KIAA1217: variants seen among roughly 807,000 people sequenced by gnomAD.
KIAA1217 encodes the protein KIAA1217, also known as sickle tail protein homolog.
A neutral mutation model predicts 163.9 loss-of-function variants in KIAA1217; 88 were observed. The ratio of observed to expected loss-of-function variants is 0.54; its 90% CI spans 0.45 to 0.64. The LOEUF is 0.64. Among genes scored for constraint, KIAA1217 ranks in the 30% least tolerant of loss-of-function variants. KIAA1217 has a pLI of 0.00. For synonymous variants in KIAA1217, 903 were observed against 923.1 expected, an observed-to-expected ratio of 0.98 and a Z score of 0.39; for missense variants, 2,372 against 2,475.0, an observed-to-expected ratio of 0.96 and a Z score of 0.88.
In KIAA1217 at chr10:24,101,220, T is replaced by C. The variant is rs77761097; in HGVS notation, c.-171+93846T>C. On this transcript the variant is annotated intron_variant, in intron 2 of 18. Coordinates refer to the KIAA1217 transcript ENST00000376462. ...AGCACTCCTGTGTTAACAGCATACATTATTGCAGAAACCCAGCTGATGGGA... is the reference window on the plus strand; with the variant it reads ...AGCACTCCTGTGTTAACAGCATACACTATTGCAGAAACCCAGCTGATGGGA... Among the ~76,000 whole-genome samples, 123 of 152,312 alleles carry C rather than the reference T, an allele frequency of 8.1e-4. 3 individuals are homozygous for C. In the East Asian group the frequency reaches 0.022, roughly 27 times the overall value.
chr10:24,422,839 G>A (rs1356071252), intron 3 of KIAA1217, among the ~76,000 whole-genome samples: 2 of 142,640 alleles, frequency 1.4e-5, no homozygotes, highest in East Asian at 4.2e-4. Context: ...CCCAGTGACT[G>A]CCCTCTGTCA....
intron 5 of KIAA1217, among the ~76,000 whole-genome samples, chr10:24,457,878 T>C (rs1181801094): frequency 1.3e-5 from 2 of 152,206 alleles, no homozygotes; most frequent in Non-Finnish European, 2.9e-5. Flanking sequence ...GCATGACTTA[T>C]TGACTTGCTT....
At chr10:23,742,264 A>G (rs557292056) in intron 1 of KIAA1217, among the ~76,000 whole-genome samples, 2 of 152,304 alleles carry the variant, frequency 1.3e-5, no homozygotes, top group African/African-American at 2.4e-5. Flanking sequence ...TGTGAGGGGT[A>G]GATGTCTGGA....
intron 1 of KIAA1217, among the ~76,000 whole-genome samples, chr10:23,755,353 T>G (rs1833867274): frequency 6.6e-6 from 1 of 152,212 alleles, no homozygotes; most frequent in African/African-American, 2.4e-5. Context: ...TCCAGGGAAT[T>G]AAGAGATCTG....
At chr10:24,147,832 C>CAAAAAAAAAA (rs1176106711) in intron 2 of KIAA1217, among the ~76,000 whole-genome samples, 134 of 20,608 alleles carry the variant, frequency 6.5e-3, no homozygotes, top group Admixed American at 9.9e-3. Flanking sequence ...TACTCTGTCT[C>CAAAAAAAAAA]AAAAAAAAAA....
At chr10:24,236,907 C>T (rs1432369528) in intron 2 of KIAA1217, among the ~76,000 whole-genome samples, 1 of 152,172 alleles carries the variant, frequency 6.6e-6, no homozygotes, top group Non-Finnish European at 1.5e-5. Flanking sequence ...CTACCTCAGC[C>T]TCCCAAAGTG....
At chr10:24,341,089 T>C (rs907240491) in intron 2 of KIAA1217, among the ~76,000 whole-genome samples, 3 of 152,082 alleles carry the variant, frequency 2.0e-5, no homozygotes, top group African/African-American at 7.3e-5. Flanking sequence ...CCATATGGAT[T>C]AGATCTGCTT....
intron 18 of KIAA1217, 31 bp downstream of exon 18, chr10:24,542,801 T>C (rs762578349): frequency 1.2e-6 from 2 of 1,612,224 alleles, no homozygotes; most frequent in Non-Finnish European, 1.7e-6. Flanking sequence ...TTCCGACCAA[T>C]ACCATGCACA....
intron 3 of KIAA1217, among the ~76,000 whole-genome samples, chr10:24,404,846 G>A (rs2057023483): frequency 6.6e-6 from 1 of 152,126 alleles, no homozygotes; most frequent in African/African-American, 2.4e-5. Context: ...TTGGATTTAT[G>A]CTCAGTGAGG....
intron 3 of KIAA1217, among the ~76,000 whole-genome samples, chr10:24,392,076 A>T (rs1256344178): frequency 6.6e-6 from 1 of 152,252 alleles, no homozygotes; most frequent in African/African-American, 2.4e-5. Context: ...CCATTAAAAT[A>T]AGAATTAATA....
At chr10:23,965,701 C>T (rs570978320) in intron 1 of KIAA1217, among the ~76,000 whole-genome samples, 1 of 152,208 alleles carries the variant, frequency 6.6e-6, no homozygotes, top group East Asian at 1.9e-4. Context: ...TAAAATAACC[C>T]ACAGCAACAC....
At chr10:24,044,965 G>A (rs982881972) in intron 2 of KIAA1217, among the ~76,000 whole-genome samples, 2 of 151,982 alleles carry the variant, frequency 1.3e-5, no homozygotes, top group Admixed American at 1.3e-4. Context: ...TCCTGAACAG[G>A]TATCTCTTAC....
rs148421206 is a variant in KIAA1217, at chr10:23,805,157, T to C, written c.-321+109923T>C. On this transcript the variant is annotated intron_variant, in intron 1 of 18. Coordinates refer to the KIAA1217 transcript ENST00000376462. ...AATACCATTCGACCTAGCAATCTCA[T>C]TAATGGGTATATATCCAAAGGAATA... Among the ~76,000 whole-genome samples, 114 of 152,274 alleles carry C rather than the reference T, an allele frequency of 7.5e-4. 1 individual carries two copies. The highest frequency in any genetic ancestry group is 3.4e-3 in the Middle Eastern group (1 of 294).
upstream of KIAA1217, among the ~76,000 whole-genome samples, chr10:24,208,285 T>C (rs2067678085): frequency 6.6e-6 from 1 of 152,116 alleles, no homozygotes; most frequent in African/African-American, 2.4e-5. Flanking sequence ...GCATTTTCAC[T>C]GTCTTTCAGA....
intron 1 of KIAA1217, among the ~76,000 whole-genome samples, chr10:23,984,388 C>T (rs1845886807): frequency 6.6e-6 from 1 of 152,160 alleles, no homozygotes; most frequent in Admixed American, 6.5e-5. Context: ...ATCTCAAAAG[C>T]TTTGATTTTT....
chr10:24,161,370 G>A (rs1033159314), intron 2 of KIAA1217, among the ~76,000 whole-genome samples: 3 of 152,186 alleles, frequency 2.0e-5, no homozygotes, highest in Non-Finnish European at 2.9e-5. Context: ...AACAGCAAGA[G>A]AGCCTTTCAG....
intron 2 of KIAA1217, among the ~76,000 whole-genome samples, chr10:24,104,409 G>A (rs576583149): frequency 4.7e-4 from 71 of 152,178 alleles, no homozygotes; most frequent in Admixed American, 6.5e-4. Flanking sequence ...GAAACAAGCC[G>A]CCAATTTGAT....
intron 3 of KIAA1217, among the ~76,000 whole-genome samples, chr10:24,420,981 A>C (rs956888147): frequency 2.7e-5 from 4 of 149,952 alleles, no homozygotes; most frequent in African/African-American, 1.0e-4. Flanking sequence ...GATTGATGTT[A>C]TAAGTGGTTT....
chr10:23,894,715 G>GC (rs1305305122), intron 1 of KIAA1217, among the ~76,000 whole-genome samples: 2 of 147,146 alleles, frequency 1.4e-5, no homozygotes, highest in African/African-American at 2.5e-5. Flanking sequence ...AAAGCTGGAG[G>GC]CATCACGCTA....
Sources: gnomAD v4.1 joint callset for allele counts (sites outside exome capture counted in the v4.1 genomes callset) on GRCh38, gnomAD v4.1.1 for gene constraint, MANE v1.5 for transcripts, NCBI Gene and HGNC (gene_info 2026-07-23, HGNC 2026-07-21) for gene names.